Variants in EXOC6B observed in about 807,000 individuals in gnomAD.
EXOC6B encodes SEC15 homolog B.
A neutral mutation model predicts 113.5 loss-of-function variants in EXOC6B; 54 were observed. The observed-to-expected ratio is 0.48, with a 90% CI of 0.38 to 0.60. The LOEUF (loss-of-function observed/expected upper bound fraction) is 0.60. EXOC6B is among the 20% of genes least tolerant of loss of function. The pLI is 0.00. For synonymous variants in EXOC6B, 357 were observed against 339.0 expected (o/e 1.05, Z -0.58); for missense variants, 797 against 977.5 (o/e 0.82, Z 2.46).
intron 20 of EXOC6B, among the ~76,000 whole-genome samples, chr2:72,260,075 C>CAG (rs924304886): frequency 4.9e-4 from 74 of 149,920 alleles, no homozygotes; most frequent in African/African-American, 1.5e-3. Context: ...GAGAAAGAGA[C>CAG]AGAGAGAGAG....
intron 1 of EXOC6B, among the ~76,000 whole-genome samples, chr2:72,810,351 A>G (rs1191006664): frequency 7.7e-6 from 1 of 129,830 alleles, no homozygotes; most frequent in Non-Finnish European, 1.9e-5. Flanking sequence ...AAATAAATAA[A>G]TAAATAAATA....
intron 7 of EXOC6B, among the ~76,000 whole-genome samples, chr2:72,565,586 T>C (rs964651819): frequency 1.1e-4 from 17 of 151,732 alleles, no homozygotes; most frequent in African/African-American, 3.6e-4. Context: ...CCCTAATATA[T>C]AGAGAACCAA....
At chr2:72,219,711 C>T (rs1048748618) in intron 20 of EXOC6B, among the ~76,000 whole-genome samples, 1 of 152,100 alleles carries the variant, frequency 6.6e-6, no homozygotes, top group African/African-American at 2.4e-5. Flanking sequence ...AGTAGCACTC[C>T]CTAAATATGA....
chr2:72,541,285 ACTT>A (rs1702588191), intron 8 of EXOC6B, among the ~76,000 whole-genome samples: 1 of 152,192 alleles, frequency 6.6e-6, no homozygotes, highest in Admixed American at 6.5e-5. Context: ...GTCCAATTAA[ACTT>A]CTTTTTCTTC....
chr2:72,612,268 C>T (rs192491707), intron 6 of EXOC6B, among the ~76,000 whole-genome samples: 1 of 150,796 alleles, frequency 6.6e-6, no homozygotes, highest in Admixed American at 6.6e-5. Flanking sequence ...GAGCGAGACT[C>T]TGTCTCAAAA....
rs1375040555 is a variant in EXOC6B at position 72,256,595 on chromosome 2, C to T, written c.2197-72408G>A. ...AAACTGAGAGTAGAGGTAATGAGTACAGGTTAAGTATAGTTTAAAACTGGC... is the reference window on the plus strand; with the variant it reads ...AAACTGAGAGTAGAGGTAATGAGTATAGGTTAAGTATAGTTTAAAACTGGC... On this transcript the variant is annotated intron_variant, in intron 20 of 21. Coordinates refer to ENST00000272427, the MANE Select transcript of EXOC6B (RefSeq NM_015189.3). Among the ~76,000 whole-genome samples the T allele has an allele frequency of 3.3e-5, 5 of 152,102 alleles. No homozygotes were observed. In the East Asian group the frequency reaches 9.6e-4, roughly 29 times the overall value.
At chr2:72,456,153 T>C (rs982558560) in intron 18 of EXOC6B, among the ~76,000 whole-genome samples, 2 of 152,118 alleles carry the variant, frequency 1.3e-5, no homozygotes, top group Non-Finnish European at 2.9e-5. Flanking sequence ...TACTAAGTAA[T>C]AATGAATGCA....
intron 6 of EXOC6B, among the ~76,000 whole-genome samples, chr2:72,671,795 GAAAGAAAGAAAGAAAGAAA>G (rs1675874178): frequency 3.5e-5 from 4 of 114,244 alleles, no homozygotes; most frequent in African/African-American, 1.4e-4. Flanking sequence ...AAGAAAGAAA[GAAAGAAAGAAAGAAAGAAA>G]GAAAGAAGAG....
intron 18 of EXOC6B, among the ~76,000 whole-genome samples, chr2:72,427,863 A>T (rs1485916565): frequency 6.6e-6 from 1 of 152,108 alleles, no homozygotes; most frequent in African/African-American, 2.4e-5. Context: ...CCATGGACCA[A>T]TTGGCACACA....
intron 8 of EXOC6B, among the ~76,000 whole-genome samples, chr2:72,534,487 T>C (rs1702173095): frequency 6.6e-6 from 1 of 152,158 alleles, no homozygotes; most frequent in Non-Finnish European, 1.5e-5. Flanking sequence ...TTTAACTTTA[T>C]ACTTCATAAA....
At chr2:72,315,250 G>A (rs1024040802) in intron 20 of EXOC6B, among the ~76,000 whole-genome samples, 2 of 152,122 alleles carry the variant, frequency 1.3e-5, no homozygotes, top group African/African-American at 4.8e-5. Flanking sequence ...AGATGGGAGT[G>A]TACCCAGCAT....
At chr2:72,676,126 TAAA>T (rs879652258) in intron 6 of EXOC6B, among the ~76,000 whole-genome samples, 11 of 138,594 alleles carry the variant, frequency 7.9e-5, no homozygotes, top group Non-Finnish European at 1.6e-5. Context: ...CATTCTAGTT[TAAA>T]AAAAAAAAAA....
intron 8 of EXOC6B, among the ~76,000 whole-genome samples, chr2:72,545,879 C>T (rs1296339972): frequency 6.6e-6 from 1 of 152,156 alleles, no homozygotes; most frequent in Non-Finnish European, 1.5e-5. Flanking sequence ...AACTAAAGTT[C>T]TTTAAACAAT....
At chr2:72,339,142 G>C (rs1383922774) in intron 19 of EXOC6B, among the ~76,000 whole-genome samples, 1 of 152,012 alleles carries the variant, frequency 6.6e-6, no homozygotes, top group Non-Finnish European at 1.5e-5. Flanking sequence ...ACATGAGAGA[G>C]GGGCAAGAGG....
At chr2:72,562,327 T>C (rs1703934947) in intron 7 of EXOC6B, among the ~76,000 whole-genome samples, 1 of 152,084 alleles carries the variant, frequency 6.6e-6, no homozygotes, top group Non-Finnish European at 1.5e-5. Flanking sequence ...GAAGAAAATG[T>C]AGTTTTTCCC....
intron 20 of EXOC6B, among the ~76,000 whole-genome samples, chr2:72,253,681 C>T (rs1481019014): frequency 6.6e-6 from 1 of 152,078 alleles, no homozygotes; most frequent in Non-Finnish European, 1.5e-5. Flanking sequence ...GAACAAGAGG[C>T]ACTGGGGCCT....
intron 17 of EXOC6B, among the ~76,000 whole-genome samples, chr2:72,468,919 G>A (rs991433338): frequency 6.6e-6 from 1 of 151,728 alleles, no homozygotes; most frequent in South Asian, 2.1e-4. Flanking sequence ...TTTCTGTTTT[G>A]CTAAAAGTCT....
intron 7 of EXOC6B, among the ~76,000 whole-genome samples, chr2:72,565,983 C>T (rs977863358): frequency 8.6e-5 from 13 of 151,026 alleles, no homozygotes; most frequent in South Asian, 2.1e-4. Flanking sequence ...TCCAACCACA[C>T]GGAAAAAATA....
intron 20 of EXOC6B, among the ~76,000 whole-genome samples, chr2:72,308,877 A>G (rs1379354036): frequency 3.3e-5 from 5 of 152,168 alleles, no homozygotes; most frequent in Non-Finnish European, 1.5e-5. Context: ...GTAGGAAAAG[A>G]AAGGAATTTT....
Sources: gnomAD v4.1 joint callset for allele counts (sites outside exome capture counted in the v4.1 genomes callset) on GRCh38, gnomAD v4.1.1 for gene constraint, MANE v1.5 for transcripts, NCBI Gene and HGNC (gene_info 2026-07-23, HGNC 2026-07-21) for gene names.